The following CDH13 variants were observed in gnomAD, a reference collection of about 807,000 sequenced individuals.
CDH13 encodes the protein cadherin-13.
A neutral mutation model predicts 63.8 loss-of-function variants in CDH13; 24 were observed. The observed-to-expected ratio is 0.38, with a 90% CI of 0.27 to 0.53. The LOEUF is 0.53. Among genes scored for constraint, CDH13 ranks in the 20% least tolerant of loss-of-function variants. CDH13 has a pLI of 0.85. For synonymous variants in CDH13, 503 were observed against 355.3 expected (o/e 1.42, Z -4.67); for missense variants, 1,049 against 903.1 (o/e 1.16, Z -2.07).
chr16:82,763,204 T>G (rs1007672234), intron 1 of CDH13, among the ~76,000 whole-genome samples: 21 of 152,304 alleles, frequency 1.4e-4, no homozygotes, highest in Admixed American at 8.5e-4. Flanking sequence ...TTAGAATCTT[T>G]ACTTAAACAT....
chr16:83,565,383 CTTTT>C (rs369127310), intron 7 of CDH13, among the ~76,000 whole-genome samples: 2 of 130,612 alleles, frequency 1.5e-5, no homozygotes, highest in African/African-American at 5.8e-5. Context: ...TTCCACTGTT[CTTTT>C]TTTTTTTTTT....
intron 4 of CDH13, among the ~76,000 whole-genome samples, chr16:83,165,664 A>G (rs1245700059): frequency 6.6e-6 from 1 of 152,132 alleles, no homozygotes; most frequent in African/African-American, 2.4e-5. Flanking sequence ...AGCAAATAAC[A>G]GTGACATATG....
intron 1 of CDH13, among the ~76,000 whole-genome samples, chr16:82,659,536 T>C (rs934052893): frequency 6.6e-6 from 1 of 152,094 alleles, no homozygotes; most frequent in Non-Finnish European, 1.5e-5. Context: ...GAAAAGAATA[T>C]ATACTCAAAC....
chr16:82,919,787 T>C (rs991181745), intron 2 of CDH13, among the ~76,000 whole-genome samples: 1 of 152,232 alleles, frequency 6.6e-6, no homozygotes, highest in East Asian at 1.9e-4. Flanking sequence ...ATTCATCTAC[T>C]CTAAATCCAT....
At chr16:83,779,338 C>T (rs979259619) in intron 11 of CDH13, among the ~76,000 whole-genome samples, 7 of 121,874 alleles carry the variant, frequency 5.7e-5, no homozygotes, top group Admixed American at 1.1e-4. Flanking sequence ...ACCCGGGAGG[C>T]GGAGGTTGCA....
intron 3 of CDH13, among the ~76,000 whole-genome samples, chr16:83,059,033 G>C (rs2031248627): frequency 6.6e-6 from 1 of 152,156 alleles, no homozygotes; most frequent in African/African-American, 2.4e-5. Context: ...AAAAGCCCAG[G>C]ACAAGTGGTC....
chr16:83,305,131 C>G (rs1259340251), intron 5 of CDH13, among the ~76,000 whole-genome samples: 1 of 152,112 alleles, frequency 6.6e-6, no homozygotes, highest in East Asian at 1.9e-4. Context: ...GGGGGCCATC[C>G]TGGTCTAGGG....
At position 83,691,962 on chromosome 16, in the gene CDH13, C is replaced by T. The variant is rs190403836; in HGVS notation, c.1538+13501C>T. ...GCAACCCTGTGGGTCTCTGATTACC[C>T]CTTTTATACAGGGGAAGACAATAAG... On this transcript the variant is annotated intron_variant, in intron 10 of 13. Coordinates refer to ENST00000567109, the MANE Select transcript of CDH13 (RefSeq NM_001257.5). Among the ~76,000 whole-genome samples, 722 of 152,262 alleles carry T rather than the reference C, an allele frequency of 4.7e-3. 1 individual carries two copies. The highest frequency in any genetic ancestry group is 7.9e-3 in the Non-Finnish European group (539 of 68,026).
At chr16:83,298,829 T>C (rs538744276) in intron 5 of CDH13, among the ~76,000 whole-genome samples, 2 of 152,254 alleles carry the variant, frequency 1.3e-5, no homozygotes, top group African/African-American at 4.8e-5. Flanking sequence ...CTTGTGAGGA[T>C]TTTCACTCTT....
chr16:83,630,757 G>C (rs1239723319), intron 8 of CDH13, among the ~76,000 whole-genome samples: 1 of 152,148 alleles, frequency 6.6e-6, no homozygotes, highest in African/African-American at 2.4e-5. Context: ...TTCAACAGAA[G>C]TTTTTAGAGT....
intron 3 of CDH13, among the ~76,000 whole-genome samples, chr16:83,075,379 C>T (rs749700183): frequency 3.9e-5 from 6 of 152,198 alleles, no homozygotes; most frequent in African/African-American, 7.2e-5. Context: ...TCCCTGTTAG[C>T]GCTAGTTACA....
intron 5 of CDH13, among the ~76,000 whole-genome samples, chr16:83,231,910 T>C (rs1023534109): frequency 1.3e-5 from 2 of 152,156 alleles, no homozygotes; most frequent in African/African-American, 4.8e-5. Context: ...GCGACCGAGT[T>C]CTTGCTCAGC....
chr16:83,581,738 G>C (rs1469144038), intron 7 of CDH13, among the ~76,000 whole-genome samples: 1 of 152,194 alleles, frequency 6.6e-6, no homozygotes, highest in Non-Finnish European at 1.5e-5. Flanking sequence ...AGGATCACTT[G>C]AGCCCAGGAG....
At chr16:83,077,929 T>C (rs2032963785) in intron 3 of CDH13, among the ~76,000 whole-genome samples, 1 of 152,228 alleles carries the variant, frequency 6.6e-6, no homozygotes, top group Admixed American at 6.5e-5. Flanking sequence ...ATTGTGGATT[T>C]AATTTGCGTT....
At chr16:83,703,930 C>A (rs1906626185) in intron 10 of CDH13, among the ~76,000 whole-genome samples, 1 of 152,152 alleles carries the variant, frequency 6.6e-6, no homozygotes, top group Non-Finnish European at 1.5e-5. Context: ...CAAAATATGT[C>A]ATCTAAAACC....
chr16:83,422,543 C>T (rs138219603), intron 6 of CDH13, among the ~76,000 whole-genome samples: 100 of 152,246 alleles, frequency 6.6e-4, no homozygotes, highest in East Asian at 6.2e-3. Flanking sequence ...TTAATACTTA[C>T]GATAAATGTC....
At chr16:83,249,871 G>C (rs900695605) in intron 5 of CDH13, among the ~76,000 whole-genome samples, 40 of 152,136 alleles carry the variant, frequency 2.6e-4, no homozygotes, top group African/African-American at 9.4e-4. Context: ...TTTTCTGTTT[G>C]GATGATAGCT....
chr16:82,875,836 T>C (rs373540046), intron 2 of CDH13, among the ~76,000 whole-genome samples: 10 of 152,352 alleles, frequency 6.6e-5, no homozygotes, highest in Middle Eastern at 3.4e-3. Flanking sequence ...GTTAATGTCC[T>C]GTATTAGTCT....
chr16:82,810,802 G>A (rs1451762222), intron 1 of CDH13, among the ~76,000 whole-genome samples: 3 of 152,092 alleles, frequency 2.0e-5, no homozygotes, highest in Non-Finnish European at 4.4e-5. Context: ...AGCCTTGTAG[G>A]TGATGGGAAG....
Sources: gnomAD v4.1 joint callset for allele counts (sites outside exome capture counted in the v4.1 genomes callset) on GRCh38, gnomAD v4.1.1 for gene constraint, MANE v1.5 for transcripts, NCBI Gene and HGNC (gene_info 2026-07-23, HGNC 2026-07-21) for gene names.